ZNF534: variants seen among roughly 807,000 people sequenced by gnomAD.
ZNF534 encodes the protein zinc finger protein 534.
In ZNF534, 19 loss-of-function variants were observed where a neutral mutation model predicts 13.6. The observed-to-expected ratio is 1.40, with a 90% CI of 0.97 to 2.05. The LOEUF (loss-of-function observed/expected upper bound fraction) is 2.05. Ranked by LOEUF, ZNF534 falls within the 30% of genes most tolerant of loss-of-function variation. The pLI, the probability that ZNF534 is intolerant of heterozygous loss-of-function variation, is 0.00. For missense variants in ZNF534, 782 were observed against 796.3 expected (o/e 0.98, Z 0.22); for synonymous variants, 244 against 273.8 (o/e 0.89, Z 1.07).
At position 52,448,919 on chromosome 19, in the gene ZNF534, A is replaced by G. The variant is rs539009322; in HGVS notation, c.272-2268A>G. On this transcript the variant is annotated intron_variant, in intron 4 of 4. Transcript: ENST00000301085. ...AATATACAATAAATTATTGTTCACT[A>G]TAGTCACCCTACTATGTTACTGGAG... Among the ~76,000 whole-genome samples the G allele has an allele frequency of 1.4e-4, 21 of 152,286 alleles. 1 individual carries two copies. Among genetic ancestry groups the G allele is most frequent in the Admixed American group, 1.2e-3 (19 of 15,292 alleles).
downstream of ZNF534, among the ~76,000 whole-genome samples, chr19:52,443,706 C>T (rs552040530): frequency 2.2e-4 from 33 of 151,880 alleles, no homozygotes; most frequent in South Asian, 4.6e-3. Context: ...GCCGAGATTG[C>T]GCCATTGCAC....
rs779230610 is a variant in ZNF534 at position 52,438,204 on chromosome 19, C to T, written c.744C>T (p.Gly248=). The change falls in exon 5 of 5, where the codon GGC becomes GGT. Residue 248 remains glycine (G), a synonymous_variant. Transcript: ENST00000433050. The part of the protein sequence containing the change: ...GEKPYKYNEC[G]KVFNQNSHLA... ...AGCCTTACAAATATAATGAATGTGG[C>T]AAAGTCTTCAATCAGAATTCACACC... 9 of 1,614,072 alleles carry T rather than the reference C, an allele frequency of 5.6e-6. No homozygotes were observed. Among genetic ancestry groups the T allele is most frequent in the Non-Finnish European group, 6.8e-6 (8 of 1,180,006 alleles).
At position 52,451,474 on chromosome 19, in the gene ZNF534, G is replaced by C. The variant is rs964793729; in HGVS notation, c.559G>C (p.Glu187Gln). ...GGACGCTGTCCAGCGTTGGCCGCCT[G>C]AGCAGAGGCTGCCGCGGAGCTAAGA... Residue 187 changes from glutamate (E) to glutamine (Q), a missense_variant, in exon 5 of 5, where the codon GAG becomes CAG. Glu to Gln is a conservative substitution (Grantham distance 29). Transcript: ENST00000301085. The C allele has an allele frequency of 1.4e-5, 8 of 572,840 alleles. No individual in the cohort carries two copies. In the African/African-American group the frequency reaches 1.6e-4, roughly 11 times the overall value. The allele number at this position is 572,840 out of a possible 1,614,324, so 35.5% of individuals were successfully genotyped here.
rs1289517628 is a variant in ZNF534 at position 52,435,933 on chromosome 19, C to CTTTTTTTTTTTTTTTTT, written c.271+726_271+727insTTTTTTTTTTTTTTTTT. On this transcript the variant is annotated intron_variant, in intron 4 of 4. Transcript: ENST00000433050. Reference sequence around the variant, plus strand: ...CATTGATGTTTTTCTTATTTTTCTTCTTCTTCTTTTTTTTTTTTTTTTTGA... The same window carrying CTTTTTTTTTTTTTTTTT: ...CATTGATGTTTTTCTTATTTTTCTTCTTTTTTTTTTTTTTTTTTTCTTCTTTTTTTTTTTTTTTTTGA... Among the ~76,000 whole-genome samples, 24 of 17,516 alleles carry CTTTTTTTTTTTTTTTTT rather than the reference C, an allele frequency of 1.4e-3. 2 individuals are homozygous for CTTTTTTTTTTTTTTTTT. Among genetic ancestry groups the CTTTTTTTTTTTTTTTTT allele is most frequent in the African/African-American group, 1.6e-3 (22 of 13,868 alleles). The allele number at this position is 17,516 out of a possible 152,430, so 11.5% of individuals were successfully genotyped here.
chr19:52,439,504 G>C lies in ZNF534; in HGVS notation c.*58G>C. The C allele has an allele frequency of 6.9e-7, 1 of 1,444,992 alleles. No individual in the cohort carries two copies. Among genetic ancestry groups the C allele is most frequent in the Non-Finnish European group, 9.2e-7 (1 of 1,089,762 alleles). 89.5% of individuals were successfully genotyped at this position (1,444,992 alleles called of 1,614,324 possible). A position where few individuals can be genotyped will look rare whatever the true frequency, so the allele number is the denominator to read the frequency against. On this transcript the variant is annotated 3_prime_UTR_variant, in exon 5 of 5. Coordinates refer to ENST00000433050, the MANE Select transcript of ZNF534 (RefSeq NM_001143938.3). ...CACGTCTGTAATCCCAGCACTTTGGGAGTCCGAGGCAGGTGGATCATGAGG... is the reference window on the plus strand; with the variant it reads ...CACGTCTGTAATCCCAGCACTTTGGCAGTCCGAGGCAGGTGGATCATGAGG...
At chr19:52,448,633 G>T (rs1161669810) in intron 4 of ZNF534, among the ~76,000 whole-genome samples, 1 of 152,096 alleles carries the variant, frequency 6.6e-6, no homozygotes, top group African/African-American at 2.4e-5. Flanking sequence ...GGCATTATTT[G>T]GGAGAATGTT....
chr19:52,447,336 C>T (rs1243549271), downstream of ZNF534, among the ~76,000 whole-genome samples: 1 of 152,220 alleles, frequency 6.6e-6, no homozygotes, highest in East Asian at 1.9e-4. Context: ...CTATTTTATC[C>T]TCCTTTCTGG....
intron 4 of ZNF534, among the ~76,000 whole-genome samples, chr19:52,449,913 G>T (rs2122730567): frequency 6.6e-6 from 1 of 152,138 alleles, no homozygotes; most frequent in South Asian, 2.1e-4. Context: ...CCAGCTACTT[G>T]GGAGGCTGAG....
chr19:52,443,544 G>A (rs1030609353), downstream of ZNF534, among the ~76,000 whole-genome samples: 4 of 152,154 alleles, frequency 2.6e-5, no homozygotes, highest in African/African-American at 9.7e-5. Context: ...CAGGTCAGGA[G>A]TTCAAGACCA....
At chr19:52,432,851 C>G (rs904057189) in intron 2 of ZNF534, among the ~76,000 whole-genome samples, 1 of 151,980 alleles carries the variant, frequency 6.6e-6, no homozygotes, top group Admixed American at 6.6e-5. Context: ...AGTCTGGTCT[C>G]GAACTCCTTA....
chr19:52,435,933 CTTCTTCTTTTT>C (rs1159824625), intron 4 of ZNF534, among the ~76,000 whole-genome samples: 17 of 17,520 alleles, frequency 9.7e-4, no homozygotes, highest in African/African-American at 1.2e-3. Flanking sequence ...TATTTTTCTT[CTTCTTCTTTTT>C]TTTTTTTTTT....
downstream of ZNF534, among the ~76,000 whole-genome samples, chr19:52,443,698 C>T (rs566743698): frequency 2.6e-5 from 4 of 151,826 alleles, no homozygotes; most frequent in Admixed American, 6.6e-5. Flanking sequence ...TGCAGTGAGC[C>T]GAGATTGCGC....
chr19:52,439,440 G>T lies in ZNF534; in HGVS notation c.1980G>T (p.Lys660Asn), dbSNP rs758385244. The part of the protein sequence containing the change: ...VQHCSIHTRE[K>N]P ...ATTGCAGTATTCATACCAGAGAGAA[G>T]CCTTAAAAATTTAGTGAAGCTGGCA... is the stretch of plus-strand genomic sequence containing the variant. The change falls in exon 5 of 5, where the codon AAG becomes AAT. Residue 660 changes from lysine (K) to asparagine (N), a missense_variant. Coordinates refer to ENST00000433050, the MANE Select transcript of ZNF534 (RefSeq NM_001143938.3). The T allele has an allele frequency of 6.6e-7, 1 of 1,511,298 alleles. No homozygotes were observed. Among genetic ancestry groups the T allele is most frequent in the South Asian group, 1.3e-5 (1 of 76,578 alleles). The allele number at this position is 1,511,298 out of a possible 1,614,324, so 93.6% of individuals were successfully genotyped here. A position where few individuals can be genotyped will look rare whatever the true frequency, so the allele number is the denominator to read the frequency against.
At chr19:52,431,546 C>T (rs2059087410) in intron 2 of ZNF534, 57 bp downstream of exon 2, 1 of 1,609,122 alleles carries the variant, frequency 6.2e-7, no homozygotes, top group Non-Finnish European at 8.5e-7. Context: ...AAATGCCAGG[C>T]ATTGGAGTTG....
rs540553393 is a variant in ZNF534, at chr19:52,435,630, A to C, written c.271+421A>C. Among the ~76,000 whole-genome samples, 3 of 152,126 alleles carry C rather than the reference A, an allele frequency of 2.0e-5. No individual in the cohort carries two copies. The South Asian group carries it at 6.2e-4, about 32-fold the overall frequency. ...GTGATTCTCCCACCTCAGCCTTCTGAATAGCTGGGACTCTGTGTGTACACC... is the reference window on the plus strand; with the variant it reads ...GTGATTCTCCCACCTCAGCCTTCTGCATAGCTGGGACTCTGTGTGTACACC... On this transcript the variant is annotated intron_variant, in intron 4 of 4. Coordinates refer to ENST00000433050, the MANE Select transcript of ZNF534 (RefSeq NM_001143938.3).
chr19:52,435,553 G>A (rs1330243648), intron 4 of ZNF534, among the ~76,000 whole-genome samples: 2 of 152,192 alleles, frequency 1.3e-5, no homozygotes, highest in Non-Finnish European at 2.9e-5. Flanking sequence ...ACCCAGGCTG[G>A]AGTGCAGTGG....
chr19:52,445,180 T>C (rs777339277), downstream of ZNF534, among the ~76,000 whole-genome samples: 9 of 135,808 alleles, frequency 6.6e-5, 1 homozygote, highest in South Asian at 4.8e-4. Context: ...CCGCTACCCT[T>C]GTTTTTCACT....
intron 1 of ZNF534, among the ~76,000 whole-genome samples, chr19:52,429,885 G>A (rs1377754527): frequency 6.6e-6 from 1 of 151,736 alleles, no homozygotes; most frequent in Admixed American, 6.6e-5. Context: ...ATGAGCCACC[G>A]TACTTGGCCA....
intron 4 of ZNF534, among the ~76,000 whole-genome samples, chr19:52,448,272 C>T (rs1302618392): frequency 6.6e-6 from 1 of 152,036 alleles, no homozygotes; most frequent in African/African-American, 2.4e-5. Context: ...AAACAATTAG[C>T]CTGTAATCCC....
Sources: gnomAD v4.1 joint callset for allele counts (sites outside exome capture counted in the v4.1 genomes callset) on GRCh38, gnomAD v4.1.1 for gene constraint, MANE v1.5 for transcripts, NCBI Gene and HGNC (gene_info 2026-07-23, HGNC 2026-07-21) for gene names.